Variants in OPCML observed in about 807,000 individuals in gnomAD.
OPCML encodes opioid-binding protein/cell adhesion molecule.
A neutral mutation model predicts 37.8 loss-of-function variants in OPCML; 13 were observed. That is an observed-to-expected ratio of 0.34 (90% CI 0.22 to 0.55). The LOEUF (loss-of-function observed/expected upper bound fraction) is 0.55, where lower values mean the gene tolerates loss of function less well. OPCML is among the 20% of genes least tolerant of loss of function. The pLI is 0.91. For synonymous variants in OPCML, 176 were observed against 168.8 expected (o/e 1.04, Z -0.33); for missense variants, 341 against 435.6 (o/e 0.78, Z 1.93).
chr11:133,192,107 A>T (rs1358015777), intron 1 of OPCML, among the ~76,000 whole-genome samples: 1 of 152,214 alleles, frequency 6.6e-6, no homozygotes, highest in Non-Finnish European at 1.5e-5. Flanking sequence ...GCAGGAATAA[A>T]TGCACAGAAG....
At chr11:133,061,148 G>A (rs1467010509) in intron 1 of OPCML, among the ~76,000 whole-genome samples, 2 of 152,186 alleles carry the variant, frequency 1.3e-5, no homozygotes, top group Non-Finnish European at 1.5e-5. Flanking sequence ...TTACAAGAGT[G>A]TATCACCACA....
At chr11:133,393,460 C>G (rs1364435382) in intron 1 of OPCML, among the ~76,000 whole-genome samples, 2 of 152,184 alleles carry the variant, frequency 1.3e-5, no homozygotes, top group African/African-American at 2.4e-5. Context: ...CCAGAGAATG[C>G]CTGGCTACAG....
chr11:133,276,299 G>A (rs1941992008), intron 1 of OPCML, among the ~76,000 whole-genome samples: 1 of 152,112 alleles, frequency 6.6e-6, no homozygotes, highest in African/African-American at 2.4e-5. Flanking sequence ...TTTACAAGTG[G>A]GAAAGAACAG....
intron 2 of OPCML, among the ~76,000 whole-genome samples, chr11:132,808,958 C>T (rs1169036558): frequency 4.0e-5 from 6 of 151,532 alleles, no homozygotes; most frequent in African/African-American, 1.5e-4. Flanking sequence ...AAAAGAAAAG[C>T]TTTGCTTTTT....
At chr11:132,712,064 C>T (rs1944286565) in intron 2 of OPCML, among the ~76,000 whole-genome samples, 1 of 152,194 alleles carries the variant, frequency 6.6e-6, no homozygotes. Flanking sequence ...TTCCCTCACC[C>T]TCTAAAGCCC....
intron 1 of OPCML, among the ~76,000 whole-genome samples, chr11:133,451,525 G>C (rs146460211): frequency 6.6e-6 from 1 of 151,700 alleles, no homozygotes; most frequent in Non-Finnish European, 1.5e-5. Flanking sequence ...TATACACAAA[G>C]GGAAAGCCCT....
chr11:133,203,184 C>G (rs1199235025), intron 1 of OPCML, among the ~76,000 whole-genome samples: 1 of 152,228 alleles, frequency 6.6e-6, no homozygotes, highest in Non-Finnish European at 1.5e-5. Flanking sequence ...ATCTCCAAAT[C>G]TCACGCTTTC....
At position 132,552,286 on chromosome 11, in the gene OPCML, G is replaced by A. The variant is rs181778128; in HGVS notation, c.380-23100C>T. Among the ~76,000 whole-genome samples the A allele has an allele frequency of 1.4e-4, 22 of 152,330 alleles. No homozygotes were observed. The East Asian group carries it at 3.3e-3, about 23-fold the overall frequency. On this transcript the variant is annotated intron_variant, in intron 3 of 7. Transcript: ENST00000524381. ...GGTGCACCCTTGTTAAGACTGGTAAGACATTACATGAGACCTCTCCCCCAT... is the reference window on the plus strand; with the variant it reads ...GGTGCACCCTTGTTAAGACTGGTAAAACATTACATGAGACCTCTCCCCCAT...
chr11:132,726,592 T>C (rs930948512), intron 2 of OPCML, among the ~76,000 whole-genome samples: 6 of 152,056 alleles, frequency 3.9e-5, no homozygotes, highest in Non-Finnish European at 8.8e-5. Context: ...AGAGATTATT[T>C]CCAGTTACAA....
chr11:132,427,523 C>T (rs1230395417), intron 7 of OPCML, among the ~76,000 whole-genome samples: 1 of 152,208 alleles, frequency 6.6e-6, no homozygotes, highest in Non-Finnish European at 1.5e-5. Flanking sequence ...GATCAACCAA[C>T]GAGGCTCTGC....
intron 3 of OPCML, among the ~76,000 whole-genome samples, chr11:132,546,287 T>G (rs2096368471): frequency 6.6e-6 from 1 of 152,300 alleles, no homozygotes; most frequent in African/African-American, 2.4e-5. Flanking sequence ...TTATTTCTAT[T>G]TTTTAATTTC....
chr11:132,768,515 T>A (rs1946533148), intron 2 of OPCML, among the ~76,000 whole-genome samples: 1 of 151,206 alleles, frequency 6.6e-6, no homozygotes, highest in Non-Finnish European at 1.5e-5. Context: ...CATCTACATA[T>A]ATCTACACTG....
At chr11:132,602,421 C>G (rs1937982726) in intron 3 of OPCML, among the ~76,000 whole-genome samples, 1 of 152,070 alleles carries the variant, frequency 6.6e-6, no homozygotes, top group African/African-American at 2.4e-5. Context: ...CTAAAAATAG[C>G]TTGGTTTCGT....
intron 1 of OPCML, chr11:133,365,643 C>A (rs1354276660): frequency 6.6e-6 from 1 of 152,112 alleles, no homozygotes; most frequent in Admixed American, 6.5e-5. Flanking sequence ...CGATTCTTCC[C>A]CCAGAACATG....
chr11:133,526,738 C>T (rs921119858), intron 1 of OPCML, among the ~76,000 whole-genome samples: 1 of 152,160 alleles, frequency 6.6e-6, no homozygotes, highest in Non-Finnish European at 1.5e-5. Flanking sequence ...GCAACCAAGG[C>T]TTTGCAGATA....
intron 1 of OPCML, among the ~76,000 whole-genome samples, chr11:133,333,095 G>C (rs895080926): frequency 4.6e-5 from 7 of 152,098 alleles, no homozygotes; most frequent in Admixed American, 1.3e-4. Flanking sequence ...GTCTCGTTTT[G>C]TTACCCGGGT....
chr11:132,990,455 C>G (rs1946755264), intron 1 of OPCML, among the ~76,000 whole-genome samples: 1 of 152,176 alleles, frequency 6.6e-6, no homozygotes, highest in South Asian at 2.1e-4. Context: ...GTACAACACC[C>G]CACTATGGCT....
chr11:132,497,270 C>T lies in OPCML; in HGVS notation c.505+31791G>A, dbSNP rs113818447. The stretch of plus-strand genomic sequence containing the variant: ...GGGAGTGGGGAGTGGGGAGAGAGAG[C>T]ATCAGGAAGAATAGCTAATGGATGC... On this transcript the variant is annotated intron_variant, in intron 4 of 7. Transcript: ENST00000524381. Among the ~76,000 whole-genome samples the T allele has an allele frequency of 9.4e-3, 1,423 of 151,938 alleles. 12 individuals are homozygous for T. Among genetic ancestry groups the T allele is most frequent in the African/African-American group, 0.032 (1,316 of 41,448 alleles).
chr11:132,613,417 T>C (rs1345119137), intron 3 of OPCML, among the ~76,000 whole-genome samples: 1 of 152,216 alleles, frequency 6.6e-6, no homozygotes, highest in Non-Finnish European at 1.5e-5. Flanking sequence ...AAGAACTGCA[T>C]AAACTCAAAA....
Sources: allele counts gnomAD v4.1 joint callset (sites outside exome capture counted in the v4.1 genomes callset), GRCh38; gene constraint gnomAD v4.1.1; transcripts MANE v1.5; gene names NCBI Gene and HGNC (gene_info 2026-07-23, HGNC 2026-07-21).